Variants in OXR1 observed in about 807,000 individuals in gnomAD.
The protein encoded by OXR1 is oxidation resistance 1.
OXR1 carries 41 observed loss-of-function variants against 104.6 expected under a neutral mutation model. That is an observed-to-expected ratio of 0.39 (90% CI 0.31 to 0.51). OXR1 has a LOEUF of 0.51. Among genes scored for constraint, OXR1 ranks in the 20% least tolerant of loss-of-function variants. OXR1 has a pLI of 0.77. For synonymous variants in OXR1, 348 were observed against 348.4 expected, an observed-to-expected ratio of 1.00 and a Z score of 0.01; for missense variants, 955 against 1,031.9, an observed-to-expected ratio of 0.93 and a Z score of 1.02.
At chr8:106,673,866 G>T (rs1431683313) in intron 3 of OXR1, among the ~76,000 whole-genome samples, 1 of 152,178 alleles carries the variant, frequency 6.6e-6, no homozygotes, top group Non-Finnish European at 1.5e-5. Flanking sequence ...GCCTGTGGGT[G>T]CCCAGAACTC....
chr8:106,355,318 A>G (rs1185671240), intron 1 of OXR1, among the ~76,000 whole-genome samples: 1 of 152,168 alleles, frequency 6.6e-6, no homozygotes, highest in Non-Finnish European at 1.5e-5. Flanking sequence ...TGAATCACCA[A>G]AATGAACAAA....
chr8:106,345,401 A>C (rs1188200593), intron 1 of OXR1, among the ~76,000 whole-genome samples: 1 of 152,246 alleles, frequency 6.6e-6, no homozygotes, highest in Non-Finnish European at 1.5e-5. Context: ...TCCTGCAATA[A>C]AGATAGCCTT....
At chr8:106,677,073 C>T (rs1218020142) in intron 3 of OXR1, among the ~76,000 whole-genome samples, 1 of 151,864 alleles carries the variant, frequency 6.6e-6, no homozygotes, top group Non-Finnish European at 1.5e-5. Flanking sequence ...AGCTATTAGG[C>T]AAAGTAAATA....
intron 2 of OXR1, among the ~76,000 whole-genome samples, chr8:106,409,081 CT>C (rs1282328817): frequency 6.6e-6 from 1 of 152,122 alleles, no homozygotes; most frequent in Non-Finnish European, 1.5e-5. Context: ...CTATTCTCCC[CT>C]GGGGCTCTGC....
chr8:106,610,844 T>G (rs1336673815), intron 3 of OXR1, among the ~76,000 whole-genome samples: 1 of 152,246 alleles, frequency 6.6e-6, no homozygotes, highest in East Asian at 1.9e-4. Context: ...AGATTCTGCC[T>G]GTTTTTAAAC....
intron 2 of OXR1, among the ~76,000 whole-genome samples, chr8:106,433,098 A>T (rs548029681): frequency 6.6e-6 from 1 of 152,310 alleles, no homozygotes; most frequent in South Asian, 2.1e-4. Flanking sequence ...CCGGAGTTTT[A>T]TTATTGCTCA....
intron 2 of OXR1, among the ~76,000 whole-genome samples, chr8:106,514,954 C>T (rs993725090): frequency 1.3e-5 from 2 of 152,158 alleles, no homozygotes; most frequent in African/African-American, 4.8e-5. Context: ...AAATAACTTA[C>T]TTTATATTGA....
At chr8:106,542,181 C>A (rs1815004107) in intron 3 of OXR1, among the ~76,000 whole-genome samples, 1 of 152,054 alleles carries the variant, frequency 6.6e-6, no homozygotes, top group South Asian at 2.1e-4. Flanking sequence ...TTCCCAAGAC[C>A]TTTAGAGATA....
Position 106,609,301 on chromosome 8 carries a change from T to G in OXR1, c.221-69909T>G, listed in dbSNP as rs1820637079. ...TAAAAGGAAGAGCACTTCCTGGGCC[T>G]TGAGAAGTCTTCTTGCTCACAAAGA... On this transcript the variant is annotated intron_variant, in intron 3 of 16. Transcript: ENST00000517566. Among the ~76,000 whole-genome samples, 3 of 152,102 alleles carry G rather than the reference T, an allele frequency of 2.0e-5. 1 individual carries two copies. The highest frequency in any genetic ancestry group is 2.0e-4 in the Admixed American group (3 of 15,258).
chr8:106,371,721 T>C (rs1056128627), intron 2 of OXR1, among the ~76,000 whole-genome samples: 1 of 152,232 alleles, frequency 6.6e-6, no homozygotes, highest in African/African-American at 2.4e-5. Context: ...AGTTTCTTGA[T>C]ACTGAGTTCT....
intron 1 of OXR1, among the ~76,000 whole-genome samples, chr8:106,294,878 C>CT (rs1812925004): frequency 1.3e-5 from 2 of 152,282 alleles, no homozygotes; most frequent in African/African-American, 4.8e-5. Context: ...CCTTTCATAT[C>CT]TTTTAACCAT....
chr8:106,710,807 A>G lies in OXR1; in HGVS notation c.1793+17A>G. On this transcript the variant is annotated intron_variant, in intron 10 of 16. Coordinates refer to ENST00000517566, the MANE Select transcript of OXR1 (RefSeq NM_001198533.2). Reference sequence around the variant, plus strand: ...ACAAGAAAGGTAAAAAACCCATACGACACCTTGAGAGCATTATTGAGATTC... The same window carrying G: ...ACAAGAAAGGTAAAAAACCCATACGGCACCTTGAGAGCATTATTGAGATTC... The G allele has an allele frequency of 7.0e-7, 1 of 1,432,874 alleles. No individual in the cohort carries two copies. The highest frequency in any genetic ancestry group is 1.5e-5 in the South Asian group (1 of 64,624). 88.8% of individuals were successfully genotyped at this position (1,432,874 alleles called of 1,614,324 possible).
At chr8:106,290,969 T>C (rs1260177542) in intron 1 of OXR1, among the ~76,000 whole-genome samples, 2 of 152,142 alleles carry the variant, frequency 1.3e-5, no homozygotes, top group Admixed American at 6.5e-5. Context: ...AAATAGATCA[T>C]TCTACCAAAA....
chr8:106,659,988 G>A (rs1005211437), intron 3 of OXR1, among the ~76,000 whole-genome samples: 1 of 152,222 alleles, frequency 6.6e-6, no homozygotes, highest in Non-Finnish European at 1.5e-5. Context: ...GAGAGGCGTT[G>A]TGAGGTCAAA....
intron 2 of OXR1, among the ~76,000 whole-genome samples, chr8:106,396,359 C>T (rs1051715442): frequency 6.6e-6 from 1 of 152,008 alleles, no homozygotes; most frequent in African/African-American, 2.4e-5. Flanking sequence ...ACGGGACATC[C>T]ATCTCATGTA....
chr8:106,557,320 T>C (rs1401476724), intron 3 of OXR1, among the ~76,000 whole-genome samples: 1 of 152,202 alleles, frequency 6.6e-6, no homozygotes, highest in Admixed American at 6.5e-5. Flanking sequence ...ATTCCATACA[T>C]AGCTGTAAGG....
chr8:106,585,687 G>A (rs2130658696), intron 3 of OXR1, among the ~76,000 whole-genome samples: 1 of 152,290 alleles, frequency 6.6e-6, no homozygotes, highest in East Asian at 1.9e-4. Context: ...GAAGTCAGAA[G>A]TGCCAAAGAG....
intron 2 of OXR1, among the ~76,000 whole-genome samples, chr8:106,400,103 C>A (rs1817941599): frequency 6.6e-6 from 1 of 152,016 alleles, no homozygotes; most frequent in Non-Finnish European, 1.5e-5. Context: ...TTTCCTGAAT[C>A]ATTTCTTGAT....
At chr8:106,687,098 G>A (rs1828813898) in intron 6 of OXR1, among the ~76,000 whole-genome samples, 1 of 152,164 alleles carries the variant, frequency 6.6e-6, no homozygotes, top group Non-Finnish European at 1.5e-5. Flanking sequence ...GACTGCATCA[G>A]TGCACTCTCT....
Sources: gnomAD v4.1 joint callset for allele counts (sites outside exome capture counted in the v4.1 genomes callset) on GRCh38, gnomAD v4.1.1 for gene constraint, MANE v1.5 for transcripts, NCBI Gene and HGNC (gene_info 2026-07-23, HGNC 2026-07-21) for gene names.